Variants in PCDHGA3 observed in about 807,000 individuals in gnomAD.
The protein encoded by PCDHGA3 is protocadherin gamma-A3.
A neutral mutation model predicts 58.5 loss-of-function variants in PCDHGA3; 40 were observed. That is an observed-to-expected ratio of 0.68 (90% CI 0.53 to 0.89). The LOEUF is 0.89. PCDHGA3 is among the 40% of genes least tolerant of loss of function. PCDHGA3 has a pLI of 0.00. For missense variants in PCDHGA3, 1,223 were observed against 1,195.9 expected (o/e 1.02, Z -0.33); for synonymous variants, 530 against 525.7 (o/e 1.01, Z -0.11).
rs566049956 is a variant in PCDHGA3 at position 141,511,685 on chromosome 5, G to A, written c.*512G>A. 1.0e-5 allele frequency: 2 copies of A among 198,374 alleles called. No individual in the cohort carries two copies. Among genetic ancestry groups the A allele is most frequent in the Non-Finnish European group, 2.1e-5 (2 of 94,428 alleles). The allele number at this position is 198,374 out of a possible 1,614,324, so 12.3% of individuals were successfully genotyped here. On this transcript the variant is annotated 3_prime_UTR_variant, in exon 4 of 4. Coordinates refer to ENST00000253812, the MANE Select transcript of PCDHGA3 (RefSeq NM_018916.4). ...GATTCTCAATCTTCCCCCAAAGCAT[G>A]GTTTGGTGCCAGCCCCTTCACCTCC...
In PCDHGA3 at chr5:141,390,024, C is replaced by T. The variant is rs1449274096; in HGVS notation, c.2424+43567C>T. ...GATTCTGGCCATTGCCTTGCGCCTG[C>T]GACGCTCCTCCAGCCCCGCCTCCTG... On this transcript the variant is annotated intron_variant, in intron 1 of 3. Transcript: ENST00000253812. 6 of 1,613,926 alleles carry T rather than the reference C, an allele frequency of 3.7e-6. No homozygotes were observed. In the African/African-American group the frequency reaches 4.0e-5, roughly 11 times the overall value.
intron 1 of PCDHGA3, chr5:141,408,402 G>A: frequency 1.2e-6 from 2 of 1,614,052 alleles, no homozygotes; most frequent in Non-Finnish European, 1.7e-6. Context: ...CGCAAGCTGC[G>A]AGTGAGCGCG....
intron 1 of PCDHGA3, chr5:141,399,174 T>G: frequency 1.2e-6 from 2 of 1,613,818 alleles, no homozygotes; most frequent in Non-Finnish European, 1.7e-6. Context: ...ATTCTCTACT[T>G]GAAATGATTC....
chr5:141,347,768 TAGAG>T (rs1175375431), intron 1 of PCDHGA3, among the ~76,000 whole-genome samples: 1 of 147,122 alleles, frequency 6.8e-6, no homozygotes, highest in Non-Finnish European at 1.5e-5. Flanking sequence ...GCTGGGGCAA[TAGAG>T]AGAGACTCCA....
At chr5:141,351,774 C>G (rs1758816161) in intron 1 of PCDHGA3, 4 of 1,613,410 alleles carry the variant, frequency 2.5e-6, no homozygotes, top group Non-Finnish European at 3.4e-6. Flanking sequence ...TCCGTGAGCC[C>G]GCAGAGCGGG....
chr5:141,451,443 C>A (rs1184838490), intron 1 of PCDHGA3, among the ~76,000 whole-genome samples: 1 of 152,176 alleles, frequency 6.6e-6, no homozygotes, highest in Non-Finnish European at 1.5e-5. Context: ...CAGTTCCTTG[C>A]TGGTTGTTAG....
intron 1 of PCDHGA3, among the ~76,000 whole-genome samples, chr5:141,465,104 T>A (rs1044128193): frequency 1.3e-5 from 2 of 151,862 alleles, no homozygotes; most frequent in East Asian, 3.9e-4. Context: ...GTTTTTTTTT[T>A]AAGTGTTTTA....
rs537755017 is a variant in PCDHGA3 at position 141,491,797 on chromosome 5, G to A, written c.2425-3010G>A. 16 of 1,506,818 alleles carry A rather than the reference G, an allele frequency of 1.1e-5. No individual in the cohort carries two copies. In the Admixed American group the frequency reaches 2.2e-4, roughly 20 times the overall value. The allele number at this position is 1,506,818 out of a possible 1,614,324, so 93.3% of individuals were successfully genotyped here. A position where few individuals can be genotyped will look rare whatever the true frequency, so the allele number is the denominator to read the frequency against. ...ATTGAACTTGCATCCACTCCTCTCC[G>A]GCCGGCTTGGTCGCTGGCTGCGCTC... On this transcript the variant is annotated intron_variant, in intron 1 of 3. Transcript: ENST00000253812. The surrounding 1 kb of genome is among the most constrained non-coding windows in gnomAD (Gnocchi z 6.9).
In PCDHGA3 at chr5:141,344,099, G is replaced by C; in HGVS notation, c.66G>C (p.Thr22=). Residue 22 remains threonine, a synonymous_variant, in exon 1 of 4, where the codon ACG becomes ACC. Transcript: ENST00000253812. The part of the protein sequence containing the change: ...GLALLCALLG[T]LCETGSGQIR... Reference sequence around the variant, plus strand: ...CCCTGCTGTGCGCGCTCCTGGGGACGCTGTGCGAAACAGGATCCGGTCAGA... The same window carrying C: ...CCCTGCTGTGCGCGCTCCTGGGGACCCTGTGCGAAACAGGATCCGGTCAGA... 1 of 1,613,776 alleles carries C rather than the reference G, an allele frequency of 6.2e-7. No individual in the cohort carries two copies.
In PCDHGA3 at chr5:141,485,867, G is replaced by T; in HGVS notation, c.2425-8940G>T. The T allele has an allele frequency of 6.2e-7, 1 of 1,614,164 alleles. No homozygotes were observed. Among genetic ancestry groups the T allele is most frequent in the Non-Finnish European group, 8.5e-7 (1 of 1,180,040 alleles). On this transcript the variant is annotated intron_variant, in intron 1 of 3. Transcript: ENST00000253812. The surrounding 1 kb of genome is among the most constrained non-coding windows in gnomAD (Gnocchi z 5.7). ...TGGCACCGCAGAGCTCCGGGTATCC[G>T]TGCTGGACGTAAACGACAACGCCCC...
Position 141,351,886 on chromosome 5 carries a change from G to T in PCDHGA3, c.2424+5429G>T, listed in dbSNP as rs377208230. ...GCTCCCCCGCGCTCAGCGCCAACGT[G>T]AGCCTGCGCGTGTTGGTGGGCGACC... On this transcript the variant is annotated intron_variant, in intron 1 of 3. Transcript: ENST00000253812. 2.5e-6 allele frequency: 4 copies of T among 1,613,292 alleles called. No homozygotes were observed. In the Admixed American group the frequency reaches 6.7e-5, roughly 27 times the overall value.
intron 1 of PCDHGA3, chr5:141,388,500 A>T: frequency 6.2e-7 from 1 of 1,613,860 alleles, no homozygotes; most frequent in Non-Finnish European, 8.5e-7. Flanking sequence ...AGAAAAGCAG[A>T]AATCCTACCA....
Position 141,346,502 on chromosome 5 carries a change from T to C in PCDHGA3, c.2424+45T>C, listed in dbSNP as rs574431225. On this transcript the variant is annotated intron_variant, in intron 1 of 3. Transcript: ENST00000253812. ...TGATTATTAAGAACAAATATGAGAA[T>C]GTGGTTATTATAAAGCTTTAACACA... 2.5e-5 allele frequency: 41 copies of C among 1,610,812 alleles called. No individual in the cohort carries two copies. The East Asian group carries it at 8.7e-4, about 34-fold the overall frequency.
rs2099612668 is a variant in PCDHGA3, at chr5:141,485,382, TGA to T, written c.2425-9424_2425-9423del. The T allele has an allele frequency of 6.2e-7, 1 of 1,613,538 alleles. No homozygotes were observed. The highest frequency in any genetic ancestry group is 8.5e-7 in the Non-Finnish European group (1 of 1,179,906). On this transcript the variant is annotated intron_variant, in intron 1 of 3. Coordinates refer to ENST00000253812, the MANE Select transcript of PCDHGA3 (RefSeq NM_018916.4). The surrounding 1 kb of genome is among the most constrained non-coding windows in gnomAD (Gnocchi z 5.7). ...CGCAGGCTGCAGGTCGCTGGAGAGG[TGA>T]ACCAAAGACACTTCCGTGTGGATTT...
intron 1 of PCDHGA3, chr5:141,391,466 C>T (rs375470029): frequency 2.6e-5 from 4 of 152,276 alleles, no homozygotes; most frequent in East Asian, 3.9e-4. Context: ...CTCATGCCAC[C>T]AGACCTGGCT....
intron 1 of PCDHGA3, chr5:141,362,758 C>A: frequency 1.5e-6 from 1 of 649,730 alleles, no homozygotes. Flanking sequence ...AAACCTTTAT[C>A]ACATGAGATA....
At chr5:141,473,750 G>A (rs777343462) in intron 1 of PCDHGA3, among the ~76,000 whole-genome samples, 3 of 152,192 alleles carry the variant, frequency 2.0e-5, no homozygotes, top group Non-Finnish European at 4.4e-5. Context: ...TGAGAACTTG[G>A]ATACTATGCA....
chr5:141,351,750 T>C (rs896637851), intron 1 of PCDHGA3: 2 of 1,613,678 alleles, frequency 1.2e-6, no homozygotes, highest in Non-Finnish European at 1.7e-6. Flanking sequence ...CCGCGGGAGC[T>C]GTTGTCCTAC....
chr5:141,429,760 C>A (rs1036499079), intron 1 of PCDHGA3, among the ~76,000 whole-genome samples: 1 of 152,020 alleles, frequency 6.6e-6, no homozygotes, highest in Non-Finnish European at 1.5e-5. Flanking sequence ...AATTTTTTCC[C>A]TATATTTTGA....
Sources: allele counts gnomAD v4.1 joint callset (sites outside exome capture counted in the v4.1 genomes callset), GRCh38; gene constraint gnomAD v4.1.1; non-coding constraint Gnocchi (gnomAD v3.1); transcripts MANE v1.5; gene names NCBI Gene and HGNC (gene_info 2026-07-23, HGNC 2026-07-21).